The following MAP2 variants were observed in gnomAD, a reference collection of about 807,000 sequenced individuals.
The protein encoded by MAP2 is microtubule associated protein 2, also known as microtubule-associated protein 2.
Under a neutral mutation model 137.6 loss-of-function variants are expected in MAP2, and 14 were observed. That is an observed-to-expected ratio of 0.10 (90% CI 0.07 to 0.16). MAP2 has a LOEUF of 0.16. Among genes scored for constraint, MAP2 ranks in the 10% least tolerant of loss-of-function variants. The probability of loss-of-function intolerance (pLI) is 1.00; values close to 1 mark genes in which losing one functional copy is unlikely to be tolerated. For missense variants in MAP2, 2,088 were observed against 2,191.5 expected (o/e 0.95, Z 0.94); for synonymous variants, 786 against 782.3 (o/e 1.00, Z -0.08).
chr2:209,514,306 A>G (rs2062152345), intron 2 of MAP2, among the ~76,000 whole-genome samples: 1 of 152,074 alleles, frequency 6.6e-6, no homozygotes, highest in African/African-American at 2.4e-5. Flanking sequence ...GCAGCTTCAA[A>G]TGTCTTTGGG....
chr2:209,459,773 T>C (rs1427293437), intron 1 of MAP2, among the ~76,000 whole-genome samples: 3 of 152,160 alleles, frequency 2.0e-5, no homozygotes, highest in African/African-American at 7.2e-5. Context: ...TAGTAGCAGT[T>C]TGGGACTTGC....
chr2:209,673,154 TC>T (rs2049643444), intron 5 of MAP2, among the ~76,000 whole-genome samples: 3 of 151,842 alleles, frequency 2.0e-5, no homozygotes, highest in African/African-American at 7.2e-5. Context: ...AATATTTAAA[TC>T]CTTTATTCTT....
chr2:209,527,986 CG>C (rs2064340462), intron 2 of MAP2, among the ~76,000 whole-genome samples: 1 of 152,074 alleles, frequency 6.6e-6, no homozygotes, highest in African/African-American at 2.4e-5. Context: ...TCATATTATA[CG>C]AAGTTCTCTC....
chr2:209,587,925 A>T (rs2078185043), intron 3 of MAP2, among the ~76,000 whole-genome samples: 1 of 152,208 alleles, frequency 6.6e-6, no homozygotes, highest in South Asian at 2.1e-4. Context: ...GCAATGAAGT[A>T]TCAAATTAGT....
intron 2 of MAP2, among the ~76,000 whole-genome samples, chr2:209,562,767 A>C (rs1193037384): frequency 3.3e-5 from 5 of 152,118 alleles, no homozygotes; most frequent in African/African-American, 1.2e-4. Flanking sequence ...AATGCCTCAA[A>C]AGCCCAGCGG....
rs1559675039 is a variant in MAP2 at position 209,725,759 on chromosome 2, T to C, written c.5124T>C (p.Cys1708=). ...KIDLSHVTSK[C]GSLKNIRHRP... ...ACCTAAGCCATGTGACATCCAAATG[T>C]GGCTCTCTGAAGAACATCCGCCACA... The change falls in exon 14 of 16, where the codon TGT becomes TGC. Residue 1708 remains cysteine (C), a synonymous_variant. Coordinates refer to ENST00000682079, the MANE Select transcript of MAP2 (RefSeq NM_001375505.1). 6.2e-7 allele frequency: 1 copy of C among 1,605,792 alleles called. No homozygotes were observed. Among genetic ancestry groups the C allele is most frequent in the East Asian group, 2.3e-5 (1 of 44,354 alleles).
chr2:209,489,916 A>G (rs745422371), intron 1 of MAP2, among the ~76,000 whole-genome samples: 1 of 152,236 alleles, frequency 6.6e-6, no homozygotes, highest in African/African-American at 2.4e-5. Context: ...AGACAGGCCA[A>G]CATCAAATTC....
chr2:209,683,435 C>A (rs1224840636), intron 7 of MAP2, among the ~76,000 whole-genome samples: 1 of 152,158 alleles, frequency 6.6e-6, no homozygotes, highest in Non-Finnish European at 1.5e-5. Context: ...AACTCTATCT[C>A]TATAAAGACC....
At chr2:209,490,866 C>A (rs1336476410) in intron 1 of MAP2, among the ~76,000 whole-genome samples, 1 of 151,884 alleles carries the variant, frequency 6.6e-6, no homozygotes, top group Non-Finnish European at 1.5e-5. Flanking sequence ...ACTTTACCAC[C>A]CCATTGTCAA....
chr2:209,465,508 C>T (rs975853391), intron 1 of MAP2, among the ~76,000 whole-genome samples: 1 of 152,236 alleles, frequency 6.6e-6, no homozygotes, highest in Non-Finnish European at 1.5e-5. Flanking sequence ...TTCTAGTCTA[C>T]TTTCTCTAAA....
At chr2:209,431,396 A>T (rs1184268466) in intron 1 of MAP2, among the ~76,000 whole-genome samples, 1 of 152,160 alleles carries the variant, frequency 6.6e-6, no homozygotes, top group African/African-American at 2.4e-5. Context: ...TTCTTTTTGT[A>T]ATTAGTTAAT....
chr2:209,668,998 C>T (rs1022032594), intron 5 of MAP2, among the ~76,000 whole-genome samples: 5 of 152,000 alleles, frequency 3.3e-5, no homozygotes, highest in Non-Finnish European at 7.4e-5. Flanking sequence ...ACTACCATGT[C>T]TATTTAACAT....
intron 2 of MAP2, among the ~76,000 whole-genome samples, chr2:209,520,283 C>A (rs1377146266): frequency 6.6e-6 from 1 of 151,988 alleles, no homozygotes; most frequent in Non-Finnish European, 1.5e-5. Flanking sequence ...TGATTAATTT[C>A]TTAATATATA....
chr2:209,519,079 A>G (rs2062913920), intron 2 of MAP2, among the ~76,000 whole-genome samples: 1 of 152,110 alleles, frequency 6.6e-6, no homozygotes, highest in African/African-American at 2.4e-5. Flanking sequence ...ATTAAAAACA[A>G]AATCTTATAC....
Position 209,694,584 on chromosome 2 carries a change from A to C in MAP2, c.2414A>C (p.Asp805Ala). Residue 805 changes from aspartate to alanine, a missense_variant, in exon 8 of 16, where the codon GAC (aspartate) becomes GCC (alanine). Physicochemically the swap from Asp to Ala is moderately radical, Grantham distance 126. Coordinates refer to ENST00000682079, the MANE Select transcript of MAP2 (RefSeq NM_001375505.1). Reference protein sequence around the residue: ...FYKNGTVMAPDLPEMLDLAGT... With the variant: ...FYKNGTVMAPALPEMLDLAGT... ...AAAAATGGTACTGTCATGGCACCTG[A>C]CCTTCCTGAAATGCTAGATCTGGCA... is the stretch of plus-strand genomic sequence containing the variant. 1 of 1,613,924 alleles carries C rather than the reference A, an allele frequency of 6.2e-7. No homozygotes were observed. Among genetic ancestry groups the C allele is most frequent in the Non-Finnish European group, 8.5e-7 (1 of 1,179,864 alleles).
chr2:209,689,554 A>G (rs2058223410), intron 7 of MAP2, among the ~76,000 whole-genome samples: 1 of 152,150 alleles, frequency 6.6e-6, no homozygotes, highest in South Asian at 2.1e-4. Flanking sequence ...TAAATGAGAA[A>G]CAAATTAGTG....
intron 2 of MAP2, among the ~76,000 whole-genome samples, chr2:209,548,013 G>T (rs907986903): frequency 6.6e-6 from 1 of 152,128 alleles, no homozygotes; most frequent in Non-Finnish European, 1.5e-5. Context: ...AACTCAAACA[G>T]TGAAGCTTTA....
At chr2:209,721,408 A>G (rs2070868895) in intron 13 of MAP2, among the ~76,000 whole-genome samples, 1 of 152,238 alleles carries the variant, frequency 6.6e-6, no homozygotes, top group Non-Finnish European at 1.5e-5. Context: ...GGATTGCTTC[A>G]TATTACAAGT....
intron 2 of MAP2, among the ~76,000 whole-genome samples, chr2:209,528,781 T>C (rs1033560819): frequency 1.4e-5 from 2 of 147,834 alleles, no homozygotes; most frequent in African/African-American, 5.2e-5. Flanking sequence ...TATGTACATA[T>C]GTATGTATAT....
Sources: gnomAD v4.1 joint callset for allele counts (sites outside exome capture counted in the v4.1 genomes callset) on GRCh38, gnomAD v4.1.1 for gene constraint, MANE v1.5 for transcripts, NCBI Gene and HGNC (gene_info 2026-07-23, HGNC 2026-07-21) for gene names.